SLIT2: variants seen among roughly 807,000 people sequenced by gnomAD.
SLIT2 encodes the protein slit homolog 2 protein.
SLIT2 carries 41 observed loss-of-function variants against 185.7 expected under a neutral mutation model. The observed-to-expected ratio is 0.22, with a 90% CI of 0.17 to 0.29. The LOEUF (loss-of-function observed/expected upper bound fraction) is 0.29. Ranked by LOEUF, SLIT2 falls within the 10% of genes least tolerant of loss-of-function variation. SLIT2 has a pLI of 1.00. For synonymous variants in SLIT2, 693 were observed against 680.2 expected (o/e 1.02, Z -0.29); for missense variants, 1,571 against 1,909.0 (o/e 0.82, Z 3.30).
intron 4 of SLIT2, among the ~76,000 whole-genome samples, chr4:20,341,616 G>T (rs1478565595): frequency 6.6e-6 from 1 of 152,212 alleles, no homozygotes; most frequent in Non-Finnish European, 1.5e-5. Context: ...AGAAGTAATT[G>T]TATCTAGGGG....
chr4:20,289,517 G>GA (rs2109075757), intron 4 of SLIT2, among the ~76,000 whole-genome samples: 2 of 152,042 alleles, frequency 1.3e-5, no homozygotes, highest in East Asian at 3.9e-4. Flanking sequence ...CCTCATCCAA[G>GA]AAAAAAACCC....
rs16869673 is a variant in SLIT2, at chr4:20,490,503, T to C, written c.776-1258T>C. ...GTTCTGCTTCAGCTTCAGAAGTATC[T>C]GTTCAAAATACAACAAAACAAAATT... On this transcript the variant is annotated intron_variant, in intron 8 of 36. Coordinates refer to ENST00000504154, the MANE Select transcript of SLIT2 (RefSeq NM_004787.4). Among the ~76,000 whole-genome samples the C allele has an allele frequency of 5.1e-3, 770 of 152,288 alleles. 4 individuals are homozygous for C. Among genetic ancestry groups the C allele is most frequent in the African/African-American group, 0.018 (742 of 41,562 alleles).
intron 19 of SLIT2, among the ~76,000 whole-genome samples, chr4:20,540,513 A>G (rs941483595): frequency 4.6e-5 from 7 of 152,230 alleles, no homozygotes; most frequent in African/African-American, 1.7e-4. Flanking sequence ...ATAAATAAAT[A>G]AAATTTAAAA....
intron 4 of SLIT2, among the ~76,000 whole-genome samples, chr4:20,431,067 C>G (rs781053923): frequency 6.6e-6 from 1 of 152,178 alleles, no homozygotes; most frequent in Admixed American, 6.5e-5. Context: ...GCCTGAGATC[C>G]GATCTAAGGA....
At chr4:20,596,333 A>T in intron 31 of SLIT2, 82 bp from the exon 32 acceptor site, 1 of 1,284,142 alleles carries the variant, frequency 7.8e-7, no homozygotes, top group South Asian at 1.4e-5. Context: ...TATAATATAC[A>T]GTTATGTTAT....
At chr4:20,413,738 A>G in intron 4 of SLIT2, among the ~76,000 whole-genome samples, 1 of 151,914 alleles carries the variant, frequency 6.6e-6, no homozygotes, top group East Asian at 1.9e-4. Flanking sequence ...CAGCTTTCCT[A>G]TGGGTACTCT....
chr4:20,297,787 AGAG>A (rs201428955), intron 4 of SLIT2, among the ~76,000 whole-genome samples: 2,342 of 151,638 alleles, frequency 0.015, 31 homozygotes, highest in Non-Finnish European at 0.022. Context: ...GGAGGTAAAA[AGAG>A]GAGATCAACA....
intron 34 of SLIT2, among the ~76,000 whole-genome samples, chr4:20,611,479 A>G (rs1238278032): frequency 6.6e-6 from 1 of 152,250 alleles, no homozygotes; most frequent in African/African-American, 2.4e-5. Context: ...AAAGTCAAGA[A>G]TGCAGAGGCA....
chr4:20,510,666 G>A (rs1719619251), intron 10 of SLIT2, 100 bp downstream of exon 10: 2 of 678,174 alleles, frequency 2.9e-6, no homozygotes, highest in Non-Finnish European at 5.1e-6. Context: ...GTGTTTGACA[G>A]CTTAAATATT....
chr4:20,411,423 C>A (rs1050194451), intron 4 of SLIT2, among the ~76,000 whole-genome samples: 1 of 152,096 alleles, frequency 6.6e-6, no homozygotes, highest in Non-Finnish European at 1.5e-5. Context: ...TGGCAAACAC[C>A]CACAGCTTTT....
At chr4:20,607,646 G>A (rs1316809812) in intron 33 of SLIT2, among the ~76,000 whole-genome samples, 1 of 152,182 alleles carries the variant, frequency 6.6e-6, no homozygotes, top group East Asian at 1.9e-4. Flanking sequence ...ACTGTAAAGT[G>A]TGTTAACTTA....
At chr4:20,255,136 C>T (rs1032408292) in intron 1 of SLIT2, 5 of 436,912 alleles carry the variant, frequency 1.1e-5, no homozygotes, top group Non-Finnish European at 2.3e-5. Flanking sequence ...CGGGGCTAGG[C>T]CGGCAGGGGC....
chr4:20,257,753 G>T, intron 2 of SLIT2, 115 bp from the exon 3 acceptor site: 1 of 690,674 alleles, frequency 1.4e-6, no homozygotes, highest in Non-Finnish European at 2.6e-6. Flanking sequence ...TCTCAAATCA[G>T]AGCACAATTT....
chr4:20,295,821 C>T (rs541083729), intron 4 of SLIT2, among the ~76,000 whole-genome samples: 1 of 148,844 alleles, frequency 6.7e-6, no homozygotes, highest in Non-Finnish European at 1.5e-5. Flanking sequence ...GCCTTCATTT[C>T]TCTTGAGTAC....
At chr4:20,256,792 T>C (rs778572442) in intron 2 of SLIT2, 49 bp downstream of exon 2, 2 of 910,588 alleles carry the variant, frequency 2.2e-6, no homozygotes, top group South Asian at 3.1e-5. Flanking sequence ...GTTGCATATT[T>C]TGAATCATTA....
rs112396575 is a variant in SLIT2 at position 20,472,320 on chromosome 4, A to C, written c.467+4497A>C. Among the ~76,000 whole-genome samples, 58 of 53,940 alleles carry C rather than the reference A, an allele frequency of 1.1e-3. 6 individuals are homozygous for C. The highest frequency in any genetic ancestry group is 3.5e-3 in the South Asian group (5 of 1,442). The allele number at this position is 53,940 out of a possible 152,430, so 35.4% of individuals were successfully genotyped here. Reference sequence around the variant, plus strand: ...GATATATAGATCTATATATAGATATATATATCTATATATAGATCTATATAT... The same window carrying C: ...GATATATAGATCTATATATAGATATCTATATCTATATATAGATCTATATAT... On this transcript the variant is annotated intron_variant, in intron 5 of 36. Coordinates refer to ENST00000504154, the MANE Select transcript of SLIT2 (RefSeq NM_004787.4).
Position 20,610,133 on chromosome 4 carries a change from C to T in SLIT2, c.3813C>T (p.Ser1271=), listed in dbSNP as rs148307705. The T allele has an allele frequency of 1.4e-5, 23 of 1,613,678 alleles. No individual in the cohort carries two copies. The African/African-American group carries it at 2.5e-4, about 18-fold the overall frequency. Reference sequence around the variant, plus strand: ...TCATCACTAACTTGTCAAAGCAGTCCACTCTGAATTTTGACTCTCCACTCT... The same window carrying T: ...TCATCACTAACTTGTCAAAGCAGTCTACTCTGAATTTTGACTCTCCACTCT... ...PKIITNLSKQ[S]TLNFDSPLYV... is the part of the protein sequence containing the mutation. The change falls in exon 34 of 37, where the codon TCC becomes TCT. Residue 1271 remains serine (S), a synonymous_variant. Coordinates refer to ENST00000504154, the MANE Select transcript of SLIT2 (RefSeq NM_004787.4).
At chr4:20,461,917 T>C (rs540186179) in intron 4 of SLIT2, among the ~76,000 whole-genome samples, 116 of 152,262 alleles carry the variant, frequency 7.6e-4, no homozygotes, top group African/African-American at 2.7e-3. Flanking sequence ...CAGTCATCCA[T>C]GAAGAGTGTT....
At position 20,541,396 on chromosome 4, in the gene SLIT2, G is replaced by A. The variant is rs189622093; in HGVS notation, c.1977-57G>A. ...TGGAGAAGGGTAGCTGGGGTTTAGA[G>A]AAGGAAGAAGATGAAACCCCAGGCT... is the stretch of plus-strand genomic sequence containing the variant. On this transcript the variant is annotated intron_variant, in intron 19 of 36. Transcript: ENST00000504154. The A allele has an allele frequency of 8.5e-5, 128 of 1,502,024 alleles. 1 individual carries two copies. The East Asian group carries it at 2.9e-3, about 33-fold the overall frequency. The allele number at this position is 1,502,024 out of a possible 1,614,324, so 93.0% of individuals were successfully genotyped here.
Sources: allele counts gnomAD v4.1 joint callset (sites outside exome capture counted in the v4.1 genomes callset), GRCh38; gene constraint gnomAD v4.1.1; transcripts MANE v1.5; gene names NCBI Gene and HGNC (gene_info 2026-07-23, HGNC 2026-07-21).